The following ENTREP2 variants were observed in gnomAD, a reference collection of about 807,000 sequenced individuals.
ENTREP2 encodes the protein endosomal transmembrane epsin interactor 2.
At chr15:29,320,611 C>T in the ENTREP2 span, among the ~76,000 whole-genome samples, 1 of 152,070 alleles carries the variant, frequency 6.6e-6, no homozygotes, top group Non-Finnish European at 1.5e-5. Flanking sequence ...GATGAATATG[C>T]TAAGGGCTGC....
chr15:29,613,458 G>A, the ENTREP2 span: 1 of 440,240 alleles, frequency 2.3e-6, no homozygotes, highest in Non-Finnish European at 4.5e-6. Context: ...CACAGGCTCT[G>A]GAATGGGCAC....
chr15:29,441,494 A>G, the ENTREP2 span, among the ~76,000 whole-genome samples: 1 of 152,184 alleles, frequency 6.6e-6, no homozygotes, highest in Non-Finnish European at 1.5e-5. Context: ...CAACTTCTAC[A>G]GCATTAAGCC....
chr15:29,630,800 G>A, the ENTREP2 span, among the ~76,000 whole-genome samples: 1 of 152,124 alleles, frequency 6.6e-6, no homozygotes, highest in African/African-American at 2.4e-5. Context: ...TGATTCTCCT[G>A]CCTCAGCCTC....
chr15:29,456,077 T>G, the ENTREP2 span, among the ~76,000 whole-genome samples: 1 of 152,154 alleles, frequency 6.6e-6, no homozygotes. Flanking sequence ...GTAATGTGCT[T>G]GAATCATCCT....
chr15:29,366,164 C>T, the ENTREP2 span, among the ~76,000 whole-genome samples: 1 of 152,168 alleles, frequency 6.6e-6, no homozygotes, highest in South Asian at 2.1e-4. Flanking sequence ...ACCTCCGCCT[C>T]CCAGGTTCAA....
chr15:29,180,613 G>A, the ENTREP2 span, among the ~76,000 whole-genome samples: 225 of 152,104 alleles, frequency 1.5e-3, no homozygotes, highest in African/African-American at 5.4e-3. Context: ...GCAGTGAGCC[G>A]AGATCACGCC....
the ENTREP2 span, among the ~76,000 whole-genome samples, chr15:29,598,325 A>G: frequency 6.6e-6 from 1 of 152,206 alleles, no homozygotes. Flanking sequence ...GGTGATTTGC[A>G]ATTCTCTAGT....
the ENTREP2 span, chr15:29,570,453 C>G: frequency 8.6e-7 from 1 of 1,160,854 alleles, no homozygotes; most frequent in Non-Finnish European, 1.1e-6. Context: ...GCCTAGCCCC[C>G]CCGGCCCGCG....
At chr15:29,347,160 T>A in the ENTREP2 span, among the ~76,000 whole-genome samples, 2 of 149,742 alleles carry the variant, frequency 1.3e-5, no homozygotes, top group African/African-American at 4.9e-5. Flanking sequence ...CTGTCTCGTG[T>A]ATGGTTTCTT....
the ENTREP2 span, chr15:29,269,574 G>T: frequency 5.2e-6 from 8 of 1,535,624 alleles, no homozygotes; most frequent in East Asian, 8.0e-5. Flanking sequence ...GGGCCTCCTC[G>T]GCAAAGCCGT....
chr15:29,380,846 C>A, the ENTREP2 span, among the ~76,000 whole-genome samples: 1 of 143,914 alleles, frequency 6.9e-6, no homozygotes, highest in African/African-American at 2.6e-5. Context: ...CATGCATCCA[C>A]ACTTTTTTTT....
the ENTREP2 span, among the ~76,000 whole-genome samples, chr15:29,356,296 ATTTTTTTTTTT>A: frequency 7.1e-3 from 243 of 34,328 alleles, 3 homozygotes; most frequent in East Asian, 0.021. Context: ...ATATATATAT[ATTTTTTTTTTT>A]TTTTTTTTTT....
chr15:29,130,663 G>A, the ENTREP2 span, among the ~76,000 whole-genome samples: 29 of 152,240 alleles, frequency 1.9e-4, no homozygotes, highest in East Asian at 9.7e-4. Flanking sequence ...TCTGGCTCCC[G>A]GTCAGATTTG....
At chr15:29,656,384 G>C in the ENTREP2 span, among the ~76,000 whole-genome samples, 2 of 152,030 alleles carry the variant, frequency 1.3e-5, no homozygotes, top group South Asian at 4.1e-4. Flanking sequence ...CATCACCACA[G>C]CCGGGTAGTT....
At chr15:29,236,883 AGAAG>A in the ENTREP2 span, among the ~76,000 whole-genome samples, 4 of 152,062 alleles carry the variant, frequency 2.6e-5, no homozygotes, top group East Asian at 7.7e-4. Flanking sequence ...AATAAAAAAA[AGAAG>A]GAAGGAAGGA....
chr15:29,478,008 TA>T, the ENTREP2 span, among the ~76,000 whole-genome samples: 1,917 of 77,470 alleles, frequency 0.025, 46 homozygotes, highest in Non-Finnish European at 0.035. Context: ...TATATATATA[TA>T]TATATATATA....
the ENTREP2 span, among the ~76,000 whole-genome samples, chr15:29,264,414 C>A: frequency 6.6e-6 from 1 of 152,144 alleles, no homozygotes; most frequent in Non-Finnish European, 1.5e-5. Flanking sequence ...GGAGAAAACT[C>A]TGCAGTGGAG....
At chr15:29,398,710 C>A in the ENTREP2 span, among the ~76,000 whole-genome samples, 1 of 152,136 alleles carries the variant, frequency 6.6e-6, no homozygotes, top group African/African-American at 2.4e-5. Flanking sequence ...GGTGACAGAG[C>A]GAGACTCCGT....
the ENTREP2 span, among the ~76,000 whole-genome samples, chr15:29,597,746 C>T: frequency 1.4e-5 from 2 of 141,664 alleles, no homozygotes; most frequent in East Asian, 2.2e-4. Context: ...TAAACATTGG[C>T]ATGCTGGTTT....
Sources: gnomAD v4.1 joint callset for allele counts (sites outside exome capture counted in the v4.1 genomes callset) on GRCh38, gnomAD v4.1.1 for gene constraint, MANE v1.5 for transcripts, NCBI Gene and HGNC (gene_info 2026-07-23, HGNC 2026-07-21) for gene names.